The following NCOR2 variants were observed in gnomAD, a reference collection of about 807,000 sequenced individuals.
The protein encoded by NCOR2 is nuclear receptor corepressor 2.
Under a neutral mutation model 262.9 loss-of-function variants are expected in NCOR2, and 81 were observed. The ratio of observed to expected loss-of-function variants is 0.31; its 90% CI spans 0.26 to 0.37. The LOEUF is 0.37. Among genes scored for constraint, NCOR2 ranks in the 10% least tolerant of loss-of-function variants. The pLI, the probability that NCOR2 is intolerant of heterozygous loss-of-function variation, is 1.00. For missense variants in NCOR2, 3,385 were observed against 3,621.4 expected (o/e 0.93, Z 1.68); for synonymous variants, 1,659 against 1,559.3 (o/e 1.06, Z -1.51).
At chr12:124,458,317 G>A (rs1423693974) in intron 5 of NCOR2, among the ~76,000 whole-genome samples, 1 of 152,232 alleles carries the variant, frequency 6.6e-6, no homozygotes, top group Non-Finnish European at 1.5e-5. Context: ...GGCTGCAGCA[G>A]AGAGAGGAGG....
chr12:124,325,628 G>C lies in NCOR2; in HGVS notation c.7364-45C>G, dbSNP rs10846657. 8 of 1,241,994 alleles carry C rather than the reference G, an allele frequency of 6.4e-6. No homozygotes were observed. In the African/African-American group the frequency reaches 1.2e-4, roughly 19 times the overall value. The allele number at this position is 1,241,994 out of a possible 1,614,324, so 76.9% of individuals were successfully genotyped here. A position where few individuals can be genotyped will look rare whatever the true frequency, so the allele number is the denominator to read the frequency against. On this transcript the variant is annotated intron_variant, in intron 46 of 46. Coordinates refer to ENST00000405201, the Ensembl canonical transcript of NCOR2. ...ATGCCCAGGAGGCCTCTGTGAGCCC[G>C]GCAGCCCCTGCTGGCCGCCTGCCCA...
chr12:124,498,871 A>G (rs1240124126), upstream of NCOR2, among the ~76,000 whole-genome samples: 5 of 152,348 alleles, frequency 3.3e-5, no homozygotes, highest in South Asian at 4.1e-4. Flanking sequence ...TGCTGAACCA[A>G]AGAGGCCAGA....
At chr12:124,557,156 C>A (rs1319686295) in intron 1 of NCOR2, among the ~76,000 whole-genome samples, 1 of 152,346 alleles carries the variant, frequency 6.6e-6, no homozygotes, top group East Asian at 1.9e-4. Flanking sequence ...AGGCCTCCCC[C>A]TGGCTGCCAC....
At chr12:124,490,678 C>T (rs2048037381) in intron 1 of NCOR2, among the ~76,000 whole-genome samples, 1 of 152,218 alleles carries the variant, frequency 6.6e-6, no homozygotes, top group Non-Finnish European at 1.5e-5. Context: ...CTAGCCTCTT[C>T]CAGTGATCCC....
rs540277129 is a variant in NCOR2 at position 124,440,024 on chromosome 12, C to T, written c.816-2028G>A. Among the ~76,000 whole-genome samples the T allele has an allele frequency of 1.6e-4, 24 of 152,080 alleles. No homozygotes were observed. The East Asian group carries it at 3.1e-3, about 20-fold the overall frequency. ...TCTTCTCTTCCCAGGCCCCTCCCCA[C>T]GGTCTCCAACACACAAAGCAGGGTG... On this transcript the variant is annotated intron_variant, in intron 7 of 46. Transcript: ENST00000405201. This position sits in a 1 kb window ranked among gnomAD's most constrained non-coding sequence, Gnocchi z 5.7.
rs1483218528 is a variant in NCOR2, at chr12:124,378,866, C to T, written c.2020-482G>A. Among the ~76,000 whole-genome samples, 1 of 152,238 alleles carries T rather than the reference C, an allele frequency of 6.6e-6. No individual in the cohort carries two copies. The highest frequency in any genetic ancestry group is 1.9e-4 in the East Asian group (1 of 5,196). ...CTTTACAGAACACCTACTGTGTGCCCAGCTCTGCATACCAGGGCTGTGGGG... is the reference window on the plus strand; with the variant it reads ...CTTTACAGAACACCTACTGTGTGCCTAGCTCTGCATACCAGGGCTGTGGGG... On this transcript the variant is annotated intron_variant, in intron 17 of 46. Transcript: ENST00000405201. This position sits in a 1 kb window ranked among gnomAD's most constrained non-coding sequence, Gnocchi z 4.2.
At chr12:124,508,503 C>A (rs941886798) in intron 1 of NCOR2, among the ~76,000 whole-genome samples, 2 of 152,142 alleles carry the variant, frequency 1.3e-5, no homozygotes, top group African/African-American at 4.8e-5. Context: ...AAGACCCTGC[C>A]GGAACACAAG....
Position 124,438,002 on chromosome 12 carries a change from C to T in NCOR2, c.816-6G>A. ...TCTTCCGCATCGCCTGGTTTCTGTG[C>T]AGGAGGGAAGCGGCAGACAGGTCAG... On this transcript the variant is annotated splice_polypyrimidine_tract_variant and splice_region_variant and intron_variant, in intron 7 of 46. Transcript: ENST00000405201. 6.2e-7 allele frequency: 1 copy of T among 1,607,952 alleles called. No individual in the cohort carries two copies. The highest frequency in any genetic ancestry group is 8.5e-7 in the Non-Finnish European group (1 of 1,176,908).
At chr12:124,494,026 G>T (rs973762027) in intron 1 of NCOR2, among the ~76,000 whole-genome samples, 1 of 152,138 alleles carries the variant, frequency 6.6e-6, no homozygotes, top group East Asian at 1.9e-4. Context: ...GATCCACAAC[G>T]CACCCACTGA....
chr12:124,479,436 C>G (rs1263883), intron 3 of NCOR2, among the ~76,000 whole-genome samples: 44,916 of 148,362 alleles, frequency 0.3, 6,889 homozygotes, highest in Admixed American at 0.36. Context: ...CACACAGGCA[C>G]ATGTGTGCAC....
At chr12:124,405,563 T>C (rs2042229587) in intron 13 of NCOR2, among the ~76,000 whole-genome samples, 1 of 152,190 alleles carries the variant, frequency 6.6e-6, no homozygotes, top group African/African-American at 2.4e-5. Flanking sequence ...AAAGGAGGAA[T>C]AGCAGAGCAG....
At chr12:124,484,467 G>T (rs1462043908) in intron 2 of NCOR2, among the ~76,000 whole-genome samples, 1 of 152,176 alleles carries the variant, frequency 6.6e-6, no homozygotes, top group Non-Finnish European at 1.5e-5. Context: ...CACCTCTGAG[G>T]CTCCAACCAT....
chr12:124,434,421 C>G (rs186984545), intron 8 of NCOR2, among the ~76,000 whole-genome samples: 1 of 152,172 alleles, frequency 6.6e-6, no homozygotes, highest in East Asian at 1.9e-4. Flanking sequence ...CAAAGCCACA[C>G]CGGACCCTTC....
Position 124,523,694 on chromosome 12 carries a change from T to C in NCOR2, c.-118+11871A>G, listed in dbSNP as rs372538385. 2.0e-5 allele frequency among the ~76,000 whole-genome samples: 3 copies of C among 151,890 alleles called. No homozygotes were observed. The East Asian group carries it at 5.8e-4, about 29-fold the overall frequency. On this transcript the variant is annotated intron_variant, in intron 1 of 46. Transcript: ENST00000404621. This position sits in a 1 kb window ranked among gnomAD's most constrained non-coding sequence, Gnocchi z 4.0. Reference sequence around the variant, plus strand: ...TCTGTTTTAAGAAAGTTTACAAATTTGTGTTGGGCTGCATTTAAAACCGTC... The same window carrying C: ...TCTGTTTTAAGAAAGTTTACAAATTCGTGTTGGGCTGCATTTAAAACCGTC...
At chr12:124,419,482 G>A (rs1050284233) in intron 13 of NCOR2, among the ~76,000 whole-genome samples, 8 of 152,128 alleles carry the variant, frequency 5.3e-5, no homozygotes, top group African/African-American at 1.4e-4. Flanking sequence ...CCCAAGCAAC[G>A]GCGTCTGAAA....
At position 124,517,356 on chromosome 12, in the gene NCOR2, C is replaced by A. The variant is rs943234706; in HGVS notation, c.-118+18209G>T. On this transcript the variant is annotated intron_variant, in intron 1 of 46. Transcript: ENST00000404621. The surrounding 1 kb of genome is among the most constrained non-coding windows in gnomAD (Gnocchi z 7.6). ...ACCTCAGGACAAATCACTCCCTCAT[C>A]CCCCCGGTTTGCAACTAAAGGCTCC... 6.6e-6 allele frequency among the ~76,000 whole-genome samples: 1 copy of A among 152,200 alleles called. No homozygotes were observed. The highest frequency in any genetic ancestry group is 1.5e-5 in the Non-Finnish European group (1 of 68,024).
intron 34 of NCOR2, 35 bp from the exon 37 acceptor site, chr12:124,340,786 G>T: frequency 1.4e-6 from 2 of 1,480,836 alleles, no homozygotes; most frequent in Non-Finnish European, 1.8e-6. Context: ...TGTAGCCACA[G>T]GGAGGAGAGA....
At chr12:124,485,980 C>T (rs1331174285) in intron 2 of NCOR2, among the ~76,000 whole-genome samples, 1 of 137,910 alleles carries the variant, frequency 7.3e-6, no homozygotes, top group Non-Finnish European at 1.6e-5. Flanking sequence ...CCCCACCTCC[C>T]TCTCACCCTA....
At chr12:124,461,540 G>A (rs566717280) in intron 5 of NCOR2, among the ~76,000 whole-genome samples, 4 of 152,354 alleles carry the variant, frequency 2.6e-5, no homozygotes, top group African/African-American at 9.6e-5. Context: ...GGGTCCACGG[G>A]AGCACCAGAC....
Sources: allele counts gnomAD v4.1 joint callset (sites outside exome capture counted in the v4.1 genomes callset), GRCh38; gene constraint gnomAD v4.1.1; non-coding constraint Gnocchi (gnomAD v3.1); transcripts MANE v1.5; gene names NCBI Gene and HGNC (gene_info 2026-07-23, HGNC 2026-07-21).